The following FRAS1 variants were observed in gnomAD, a reference collection of about 807,000 sequenced individuals.
FRAS1 encodes extracellular matrix organizing protein FRAS1.
FRAS1 carries 290 observed loss-of-function variants against 435.2 expected under a neutral mutation model. The ratio of observed to expected loss-of-function variants is 0.67; its 90% CI spans 0.61 to 0.73. The LOEUF (loss-of-function observed/expected upper bound fraction) is 0.73. Among genes scored for constraint, FRAS1 ranks in the 30% least tolerant of loss-of-function variants. FRAS1 has a pLI of 0.00. For synonymous variants in FRAS1, 1,800 were observed against 1,851.0 expected (o/e 0.97, Z 0.71); for missense variants, 4,860 against 5,001.5 (o/e 0.97, Z 0.85).
intron 15 of FRAS1, 40 bp from the exon 16 acceptor site, chr4:78,315,554 A>G (rs763403920): frequency 2.6e-6 from 4 of 1,567,902 alleles, no homozygotes; most frequent in Non-Finnish European, 3.5e-6. Context: ...TCTTTTGCTC[A>G]CTATTGCCTT....
At chr4:78,178,805 A>C (rs1299480977) in intron 2 of FRAS1, among the ~76,000 whole-genome samples, 1 of 152,130 alleles carries the variant, frequency 6.6e-6, no homozygotes, top group African/African-American at 2.4e-5. Flanking sequence ...GGTGCACATA[A>C]AATTTGGGGA....
chr4:78,239,193 C>G (rs572240993), intron 3 of FRAS1, among the ~76,000 whole-genome samples: 1 of 152,108 alleles, frequency 6.6e-6, no homozygotes. Flanking sequence ...TTCATCTCTT[C>G]CTAATTTGCT....
At chr4:78,502,065 C>T (rs1720699927) in intron 61 of FRAS1, among the ~76,000 whole-genome samples, 2 of 152,258 alleles carry the variant, frequency 1.3e-5, no homozygotes, top group African/African-American at 4.8e-5. Context: ...CTGTTCCGTT[C>T]CATGGGTCTA....
chr4:78,542,831 T>C lies in FRAS1; in HGVS notation c.*1707T>C, dbSNP rs938092628. 8.5e-5 allele frequency: 13 copies of C among 152,172 alleles called. No individual in the cohort carries two copies. Among genetic ancestry groups the C allele is most frequent in the Admixed American group, 8.5e-4 (13 of 15,260 alleles). 9.4% of individuals were successfully genotyped at this position (152,172 alleles called of 1,614,324 possible). ...GAAGTGAGAGAGTATGGTGGCAATA[T>C]CACAAGGGAGGAGAGAGGAAAACAA... On this transcript the variant is annotated 3_prime_UTR_variant, in exon 74 of 74. Coordinates refer to ENST00000512123, the MANE Select transcript of FRAS1 (RefSeq NM_025074.7).
At chr4:78,249,229 G>A (rs1356189134) in intron 4 of FRAS1, among the ~76,000 whole-genome samples, 1 of 149,308 alleles carries the variant, frequency 6.7e-6, no homozygotes, top group Non-Finnish European at 1.5e-5. Context: ...CTTGTCTCCT[G>A]GAGAGATGTG....
chr4:78,386,097 T>C (rs1480022458), intron 28 of FRAS1, among the ~76,000 whole-genome samples: 1 of 152,222 alleles, frequency 6.6e-6, no homozygotes, highest in African/African-American at 2.4e-5. Context: ...TGAGTTCCCA[T>C]GGTTCCCCAA....
intron 2 of FRAS1, among the ~76,000 whole-genome samples, chr4:78,200,903 GTATA>G (rs56681096): frequency 4.2e-5 from 6 of 142,620 alleles, no homozygotes; most frequent in East Asian, 4.0e-4. Context: ...ATATAAATAC[GTATA>G]TATATATATA....
At position 78,513,302 on chromosome 4, in the gene FRAS1, G is replaced by A. The variant is rs879657158; in HGVS notation, c.10014-90G>A. 4.3e-4 allele frequency: 578 copies of A among 1,342,356 alleles called. 7 individuals carry two copies. Among genetic ancestry groups the A allele is most frequent in the Middle Eastern group, 5.8e-4 (3 of 5,210 alleles). 83.2% of individuals were successfully genotyped at this position (1,342,356 alleles called of 1,614,324 possible). A position where few individuals can be genotyped will look rare whatever the true frequency, so the allele number is the denominator to read the frequency against. ...GAAAAAAAAATGGTAGCTCATTGGT[G>A]AAGACAAATTAGGTGATGAGAAAGA... On this transcript the variant is annotated intron_variant, in intron 64 of 73. Transcript: ENST00000512123.
intron 2 of FRAS1, among the ~76,000 whole-genome samples, chr4:78,117,993 A>G (rs1270887834): frequency 7.2e-6 from 1 of 138,160 alleles, no homozygotes; most frequent in Non-Finnish European, 1.6e-5. Flanking sequence ...GATGGTGACG[A>G]ACAGATGGGG....
chr4:78,313,979 C>G (rs953404796), intron 15 of FRAS1, among the ~76,000 whole-genome samples: 1 of 152,176 alleles, frequency 6.6e-6, no homozygotes, highest in Non-Finnish European at 1.5e-5. Flanking sequence ...CCTCTCTGCA[C>G]CTGTCATGAC....
intron 14 of FRAS1, among the ~76,000 whole-genome samples, chr4:78,289,866 C>T (rs1446508151): frequency 5.3e-5 from 8 of 152,314 alleles, no homozygotes; most frequent in African/African-American, 1.7e-4. Flanking sequence ...TTGCACTCTT[C>T]CTGCCTGTCT....
intron 41 of FRAS1, among the ~76,000 whole-genome samples, chr4:78,443,807 C>T (rs751479006): frequency 6.6e-6 from 1 of 152,144 alleles, no homozygotes; most frequent in African/African-American, 2.4e-5. Context: ...AAATGAGGCA[C>T]TATTATATTT....
At chr4:78,522,846 A>G (rs1721429046) in intron 69 of FRAS1, 38 bp downstream of exon 69, 2 of 1,519,006 alleles carry the variant, frequency 1.3e-6, no homozygotes, top group South Asian at 1.3e-5. Flanking sequence ...GGTAGAGCTG[A>G]ATGGTTTTCC....
At chr4:78,066,145 C>G (rs1280363654) in intron 2 of FRAS1, 129 bp downstream of exon 2, 4 of 719,770 alleles carry the variant, frequency 5.6e-6, no homozygotes, top group Non-Finnish European at 9.9e-6. Context: ...TGACAATTAG[C>G]CCTCATTCGG....
intron 2 of FRAS1, among the ~76,000 whole-genome samples, chr4:78,111,760 A>T (rs1374019350): frequency 3.3e-5 from 5 of 150,664 alleles, no homozygotes; most frequent in Admixed American, 6.6e-5. Context: ...AATAAAAAAA[A>T]AAAAAAAAAA....
chr4:78,424,131 T>C (rs1168294608), intron 34 of FRAS1, among the ~76,000 whole-genome samples: 3 of 152,224 alleles, frequency 2.0e-5, no homozygotes, highest in African/African-American at 7.2e-5. Flanking sequence ...TCTGAATGAA[T>C]GTATTATAAA....
chr4:78,094,272 C>CA (rs770346485), intron 2 of FRAS1, among the ~76,000 whole-genome samples: 3 of 151,580 alleles, frequency 2.0e-5, no homozygotes, highest in Admixed American at 6.6e-5. Flanking sequence ...GGATAAATTT[C>CA]AAAAAAATGA....
chr4:78,116,237 G>C (rs1042984924), intron 2 of FRAS1, among the ~76,000 whole-genome samples: 3 of 152,178 alleles, frequency 2.0e-5, no homozygotes, highest in Non-Finnish European at 4.4e-5. Flanking sequence ...GCCAAGGAGT[G>C]CTTTACTTCC....
At chr4:78,290,139 A>G (rs192600428) in intron 14 of FRAS1, among the ~76,000 whole-genome samples, 52 of 152,304 alleles carry the variant, frequency 3.4e-4, no homozygotes, top group African/African-American at 1.2e-3. Context: ...AACACGCACC[A>G]TGTAAGATTA....
Sources: allele counts gnomAD v4.1 joint callset (sites outside exome capture counted in the v4.1 genomes callset), GRCh38; gene constraint gnomAD v4.1.1; transcripts MANE v1.5; gene names NCBI Gene and HGNC (gene_info 2026-07-23, HGNC 2026-07-21).